The following CDRT4 variants were observed in gnomAD, a reference collection of about 807,000 sequenced individuals.
The protein encoded by CDRT4 is CMT1A duplicated region transcript 4 protein.
For synonymous variants in CDRT4, 64 were observed against 69.6 expected (o/e 0.92, Z 0.40); for missense variants, 167 against 193.1 (o/e 0.87, Z 0.80).
intron 3 of CDRT4, chr17:15,439,166 G>A (rs1374531551): frequency 8.8e-6 from 4 of 455,964 alleles, no homozygotes; most frequent in Non-Finnish European, 8.8e-6. Flanking sequence ...GTGTTCTTAT[G>A]TGGTGCATTC....
chr17:15,457,880 C>T (rs980588463), intron 1 of CDRT4, among the ~76,000 whole-genome samples: 3 of 152,294 alleles, frequency 2.0e-5, no homozygotes, highest in African/African-American at 7.2e-5. Context: ...TTGTCCACAG[C>T]CTCCAGCTAA....
intron 2 of CDRT4, among the ~76,000 whole-genome samples, chr17:15,449,048 A>C (rs1979151594): frequency 6.6e-6 from 1 of 152,226 alleles, no homozygotes; most frequent in Non-Finnish European, 1.5e-5. Context: ...CTAAGCTGCA[A>C]GCATCTCACT....
chr17:15,459,738 G>T (rs1201737140), intron 1 of CDRT4, among the ~76,000 whole-genome samples: 1 of 152,100 alleles, frequency 6.6e-6, no homozygotes, highest in Non-Finnish European at 1.5e-5. Context: ...GAGCCACCGT[G>T]CCCAGCCTCT....
intron 1 of CDRT4, among the ~76,000 whole-genome samples, chr17:15,462,771 C>T (rs1270934228): frequency 6.6e-6 from 1 of 152,094 alleles, no homozygotes; most frequent in Non-Finnish European, 1.5e-5. Flanking sequence ...AAGTGTGTGA[C>T]TTCCATAAAT....
At chr17:15,438,786 C>T (rs932792035) in intron 3 of CDRT4, among the ~76,000 whole-genome samples, 5 of 152,176 alleles carry the variant, frequency 3.3e-5, no homozygotes, top group Non-Finnish European at 7.3e-5. Flanking sequence ...AAACCTTCGG[C>T]TATGTCTCCC....
At chr17:15,453,903 G>C (rs1305638919) in intron 1 of CDRT4, among the ~76,000 whole-genome samples, 1 of 152,162 alleles carries the variant, frequency 6.6e-6, no homozygotes, top group Non-Finnish European at 1.5e-5. Context: ...AGGATTTCAT[G>C]AGATAATTCA....
chr17:15,447,713 T>C (rs1429105183), intron 2 of CDRT4, among the ~76,000 whole-genome samples: 1 of 152,206 alleles, frequency 6.6e-6, no homozygotes, highest in African/African-American at 2.4e-5. Context: ...ATAAAACACA[T>C]GTGGTCATTA....
At chr17:15,466,038 AGGGAGGGAGAGGGAGGGAAAGGGAGG>A (rs1374909888) in intron 1 of CDRT4, among the ~76,000 whole-genome samples, 2 of 105,672 alleles carry the variant, frequency 1.9e-5, no homozygotes, top group Non-Finnish European at 3.6e-5. Context: ...AGGGAGAGAA[AGGGAGGGAGAGGGAGGGAAAGGGAGG>A]GGGAGGGAGG....
chr17:15,448,138 CTCAA>C (rs1184322720), intron 2 of CDRT4, among the ~76,000 whole-genome samples: 1 of 152,200 alleles, frequency 6.6e-6, no homozygotes, highest in South Asian at 2.1e-4. Flanking sequence ...CAGGACTGCG[CTCAA>C]TCAATGGGCC....
chr17:15,465,163 AC>A (rs1353742334), intron 1 of CDRT4, among the ~76,000 whole-genome samples: 4 of 124,650 alleles, frequency 3.2e-5, no homozygotes, highest in Non-Finnish European at 6.3e-5. Context: ...ACACACACAC[AC>A]CAACACACAG....
chr17:15,441,337 G>A (rs764024233), intron 2 of CDRT4, among the ~76,000 whole-genome samples: 4 of 152,124 alleles, frequency 2.6e-5, no homozygotes, highest in Non-Finnish European at 5.9e-5. Flanking sequence ...AGACACCCAG[G>A]TCCCACCTTA....
intron 2 of CDRT4, among the ~76,000 whole-genome samples, chr17:15,442,941 A>G (rs1163019892): frequency 6.6e-6 from 1 of 152,214 alleles, no homozygotes; most frequent in Non-Finnish European, 1.5e-5. Context: ...ATGAAATGCA[A>G]ACCAGCAGTC....
chr17:15,463,407 G>A (rs1356892427), intron 1 of CDRT4, among the ~76,000 whole-genome samples: 3 of 152,230 alleles, frequency 2.0e-5, no homozygotes, highest in South Asian at 2.1e-4. Flanking sequence ...TCTAAAACCA[G>A]AACAAAATCA....
chr17:15,458,508 T>A (rs967483914), intron 1 of CDRT4, among the ~76,000 whole-genome samples: 2 of 152,076 alleles, frequency 1.3e-5, no homozygotes, highest in African/African-American at 4.8e-5. Context: ...AGAGTCCTAC[T>A]CAGTAGCGGG....
chr17:15,463,287 T>C (rs1433494176), intron 1 of CDRT4, among the ~76,000 whole-genome samples: 1 of 152,066 alleles, frequency 6.6e-6, no homozygotes, highest in East Asian at 1.9e-4. Flanking sequence ...AGCCTGGAGA[T>C]GTGCCACCAG....
rs1425870864 is a variant in CDRT4, at chr17:15,464,168, T to C, written c.-130+3292A>G. 5.3e-5 allele frequency among the ~76,000 whole-genome samples: 8 copies of C among 152,116 alleles called. No individual in the cohort carries two copies. Among genetic ancestry groups the C allele is most frequent in the Non-Finnish European group, 1.2e-4 (8 of 68,014 alleles). ...ACTTATTAACCTCTCTGGCCGCGTT[T>C]TTCTCTGGTGATGTGTCACTGAGCT... On this transcript the variant is annotated intron_variant, in intron 1 of 3. Transcript: ENST00000619038. This position sits in a 1 kb window ranked among gnomAD's most constrained non-coding sequence, Gnocchi z 4.5.
intron 1 of CDRT4, among the ~76,000 whole-genome samples, chr17:15,462,427 CAAAAAAAAAAA>C (rs55662712): frequency 3.3e-5 from 2 of 59,884 alleles, no homozygotes; most frequent in African/African-American, 6.8e-5. Flanking sequence ...GACTCCATCT[CAAAAAAAAAAA>C]AAAAAAAAAA....
intron 1 of CDRT4, among the ~76,000 whole-genome samples, chr17:15,457,114 G>T (rs1235287748): frequency 2.0e-5 from 3 of 152,074 alleles, no homozygotes; most frequent in African/African-American, 7.2e-5. Flanking sequence ...GGGTAAAAAT[G>T]AGGATTGAGG....
In CDRT4 at chr17:15,437,878, G is replaced by A. The variant is rs562020164; in HGVS notation, c.354C>T (p.Pro118=). ...CTCTGGAATCCGCATGTAAGTGTGT[G>A]GGTTCTGGGATCATGGTAGGAGCCA... ...LAMAPTMIPE[P]THLHADSRDC... The change falls in exon 4 of 4, where the codon CCC becomes CCT. Residue 118 remains proline, a synonymous_variant. Transcript: ENST00000619038. 2 of 1,614,154 alleles carry A rather than the reference G, an allele frequency of 1.2e-6. No homozygotes were observed. Among genetic ancestry groups the A allele is most frequent in the Admixed American group, 3.3e-5 (2 of 60,016 alleles).
Sources: gnomAD v4.1 joint callset for allele counts (sites outside exome capture counted in the v4.1 genomes callset) on GRCh38, gnomAD v4.1.1 for gene constraint, Gnocchi (gnomAD v3.1) non-coding constraint, MANE v1.5 for transcripts, NCBI Gene and HGNC (gene_info 2026-07-23, HGNC 2026-07-21) for gene names.